The following ANKRD30B variants were observed in gnomAD, a reference collection of about 807,000 sequenced individuals.
ANKRD30B encodes the protein ankyrin repeat domain 30B, also known as ankyrin repeat domain-containing protein 30B.
ANKRD30B carries 144 observed loss-of-function variants against 202.2 expected under a neutral mutation model. The ratio of observed to expected loss-of-function variants is 0.71; its 90% CI spans 0.62 to 0.82. The LOEUF (loss-of-function observed/expected upper bound fraction) is 0.82, where lower values mean the gene tolerates loss of function less well. ANKRD30B is among the 40% of genes least tolerant of loss of function. ANKRD30B has a pLI of 0.00. For missense variants in ANKRD30B, 1,487 were observed against 1,669.1 expected, an observed-to-expected ratio of 0.89 and a Z score of 1.90; for synonymous variants, 508 against 561.3, an observed-to-expected ratio of 0.91 and a Z score of 1.34.
chr18:14,791,673 T>G (rs1968521894), intron 16 of ANKRD30B, among the ~76,000 whole-genome samples, 182 bp downstream of exon 16: 1 of 152,032 alleles, frequency 6.6e-6, no homozygotes, highest in African/African-American at 2.4e-5. Flanking sequence ...ATATTGAGAG[T>G]GCTGAAAAGG....
chr18:14,930,584 TGCTATG>T, the ANKRD30B span, among the ~76,000 whole-genome samples: 1 of 152,014 alleles, frequency 6.6e-6, no homozygotes, highest in African/African-American at 2.4e-5. Flanking sequence ...ACGCTGGGTG[TGCTATG>T]GGGTAGACAC....
At chr18:14,915,393 A>G in the ANKRD30B span, 12 of 152,268 alleles carry the variant, frequency 7.9e-5, no homozygotes, top group Admixed American at 2.6e-4. Flanking sequence ...AAAAATAGGC[A>G]TATTCTGTTT....
intron 7 of ANKRD30B, among the ~76,000 whole-genome samples, chr18:14,767,200 G>T (rs1208000550): frequency 6.6e-6 from 1 of 151,890 alleles, no homozygotes; most frequent in Non-Finnish European, 1.5e-5. Flanking sequence ...GTGGAGATCT[G>T]TGTTGTGTCT....
chr18:14,794,099 A>G (rs1437376785), intron 16 of ANKRD30B, among the ~76,000 whole-genome samples: 2 of 152,200 alleles, frequency 1.3e-5, no homozygotes, highest in African/African-American at 4.8e-5. Context: ...AATAGCCATT[A>G]CAAATGTGGC....
chr18:14,938,861 T>A, the ANKRD30B span, among the ~76,000 whole-genome samples: 89 of 151,610 alleles, frequency 5.9e-4, no homozygotes, highest in East Asian at 0.011. Context: ...AAAAAGGGAG[T>A]CTTAAAGAAG....
At chr18:14,795,966 T>A (rs192054612) in intron 16 of ANKRD30B, among the ~76,000 whole-genome samples, 15 of 152,276 alleles carry the variant, frequency 9.9e-5, no homozygotes, top group African/African-American at 3.1e-4. Context: ...ATTTAGTTAT[T>A]GTCAGTTGAA....
At chr18:14,864,687 A>T in the ANKRD30B span, among the ~76,000 whole-genome samples, 3 of 100,664 alleles carry the variant, frequency 3.0e-5, no homozygotes, top group African/African-American at 1.2e-4. Context: ...TGCTCCTTCA[A>T]CTCCCAAAAA....
the ANKRD30B span, among the ~76,000 whole-genome samples, chr18:14,940,366 C>A: frequency 2.1e-4 from 32 of 152,346 alleles, no homozygotes; most frequent in East Asian, 5.4e-3. Context: ...GTGGAGCCCC[C>A]AGAGTGGCCA....
intron 32 of ANKRD30B, among the ~76,000 whole-genome samples, chr18:14,824,891 A>G (rs1352151336): frequency 6.6e-6 from 1 of 152,142 alleles, no homozygotes; most frequent in Non-Finnish European, 1.5e-5. Context: ...GTGTGATTGT[A>G]CTCCTATAAA....
At position 14,797,765 on chromosome 18, in the gene ANKRD30B, T is replaced by C. The variant is rs564595837; in HGVS notation, c.1957-17T>C. The C allele has an allele frequency of 3.0e-5, 48 of 1,579,980 alleles. 2 individuals carry two copies. The highest frequency in any genetic ancestry group is 1.5e-4 in the Admixed American group (8 of 54,770). ...TGTACATTATATATTAATTTTTGTG[T>C]TTCCGAACCCATTTAGCCTACCTGT... On this transcript the variant is annotated splice_polypyrimidine_tract_variant and intron_variant, in intron 19 of 43. Transcript: ENST00000690538.
intron 3 of ANKRD30B, 123 bp from the exon 4 acceptor site, chr18:14,754,776 T>C: frequency 1.7e-6 from 1 of 605,836 alleles, no homozygotes; most frequent in Non-Finnish European, 2.6e-6. Context: ...AAGGGACTGC[T>C]ATTGATTTAC....
chr18:14,810,265 T>C lies in ANKRD30B; in HGVS notation c.2488+85T>C, dbSNP rs1598657700. ...TGAGAGCCTTTTATTCCCAAAGTTGTTTTCTTTTGAAAATTTGATGGGAAA... is the reference window on the plus strand; with the variant it reads ...TGAGAGCCTTTTATTCCCAAAGTTGCTTTCTTTTGAAAATTTGATGGGAAA... On this transcript the variant is annotated intron_variant, in intron 28 of 43. Transcript: ENST00000690538. 7.7e-6 allele frequency: 7 copies of C among 904,480 alleles called. No homozygotes were observed. The East Asian group carries it at 1.6e-4, about 20-fold the overall frequency. 56.0% of individuals were successfully genotyped at this position (904,480 alleles called of 1,614,324 possible).
At chr18:14,867,189 G>A in the ANKRD30B span, among the ~76,000 whole-genome samples, 3 of 151,280 alleles carry the variant, frequency 2.0e-5, no homozygotes, top group East Asian at 3.9e-4. Context: ...CCCGTGGCAG[G>A]GATGGGTTGT....
intron 24 of ANKRD30B, among the ~76,000 whole-genome samples, chr18:14,805,590 A>G (rs572209118): frequency 6.6e-6 from 1 of 150,840 alleles, no homozygotes; most frequent in South Asian, 2.1e-4. Context: ...TGAGATGTCA[A>G]ATCTACATTC....
rs529842496 is a variant in ANKRD30B, at chr18:14,794,161, C to A, written c.1826-2060C>A. On this transcript the variant is annotated intron_variant, in intron 16 of 43. Coordinates refer to ENST00000690538, the MANE Select transcript of ANKRD30B (RefSeq NM_001367607.2). ...TGACCTGTCCTGATTTTAAAAAACT[C>A]CAGTGTACCCCTTTATAAAAAAAAG... is the stretch of plus-strand genomic sequence containing the variant. Among the ~76,000 whole-genome samples the A allele has an allele frequency of 2.0e-5, 3 of 152,204 alleles. No homozygotes were observed. In the South Asian group the frequency reaches 6.2e-4, roughly 32 times the overall value.
chr18:14,913,426 C>T, the ANKRD30B span, among the ~76,000 whole-genome samples: 10 of 152,142 alleles, frequency 6.6e-5, no homozygotes, highest in Non-Finnish European at 7.3e-5. Context: ...TTTCCAATAT[C>T]AGGCTGCAAC....
At chr18:14,767,030 T>G (rs1916344638) in intron 7 of ANKRD30B, among the ~76,000 whole-genome samples, 1 of 152,192 alleles carries the variant, frequency 6.6e-6, no homozygotes, top group African/African-American at 2.4e-5. Flanking sequence ...TCTCCCAAGA[T>G]CCTACCTAAC....
rs372062361 is a variant in ANKRD30B at position 14,849,827 on chromosome 18, T to C, written c.3396-387T>C. On this transcript the variant is annotated intron_variant, in intron 40 of 43. Transcript: ENST00000690538. ...CTAATAAATCTGTAAACTTTTTTTA[T>C]AAAAAGTAATGTCACTTTAATCAGT... Among the ~76,000 whole-genome samples, 119 of 151,774 alleles carry C rather than the reference T, an allele frequency of 7.8e-4. 1 individual carries two copies. The South Asian group carries it at 0.023, about 29-fold the overall frequency.
At chr18:14,776,541 C>A (rs1029994201) in intron 9 of ANKRD30B, among the ~76,000 whole-genome samples, 7 of 152,142 alleles carry the variant, frequency 4.6e-5, no homozygotes, top group Admixed American at 2.0e-4. Context: ...CATATTTGTT[C>A]ATCATTTTGT....
Sources: gnomAD v4.1 joint callset for allele counts (sites outside exome capture counted in the v4.1 genomes callset) on GRCh38, gnomAD v4.1.1 for gene constraint, MANE v1.5 for transcripts, NCBI Gene and HGNC (gene_info 2026-07-23, HGNC 2026-07-21) for gene names.